Variants in GALNT13 observed in about 807,000 individuals in gnomAD.
The protein encoded by GALNT13 is polypeptide N-acetylgalactosaminyltransferase 13.
Under a neutral mutation model 64.2 loss-of-function variants are expected in GALNT13, and 28 were observed. The ratio of observed to expected loss-of-function variants is 0.44; its 90% CI spans 0.32 to 0.60. The LOEUF is 0.60. Among genes scored for constraint, GALNT13 ranks in the 20% least tolerant of loss-of-function variants. The pLI is 0.05. For synonymous variants in GALNT13, 214 were observed against 224.6 expected (o/e 0.95, Z 0.42); for missense variants, 577 against 669.8 (o/e 0.86, Z 1.53).
the GALNT13 span, among the ~76,000 whole-genome samples, chr2:153,122,788 A>G: frequency 6.6e-6 from 1 of 152,156 alleles, no homozygotes; most frequent in Admixed American, 6.6e-5. Context: ...CATCTTTACC[A>G]AGCACCCTGT....
At chr2:153,681,438 C>T in the GALNT13 span, among the ~76,000 whole-genome samples, 1 of 151,834 alleles carries the variant, frequency 6.6e-6, no homozygotes, top group South Asian at 2.1e-4. Context: ...ATTTAATACC[C>T]ATTTTCTCTG....
the GALNT13 span, among the ~76,000 whole-genome samples, chr2:153,558,025 C>T: frequency 6.6e-6 from 1 of 152,172 alleles, no homozygotes; most frequent in African/African-American, 2.4e-5. Flanking sequence ...CAGGAAGAAA[C>T]TGTTTCTTTC....
the GALNT13 span, among the ~76,000 whole-genome samples, chr2:153,511,547 G>A: frequency 7.9e-5 from 12 of 152,136 alleles, no homozygotes; most frequent in Non-Finnish European, 2.9e-5. Context: ...ACCACTCTAG[G>A]AAAAAGGGAA....
chr2:154,375,342 A>G (rs1233797880), intron 9 of GALNT13, among the ~76,000 whole-genome samples: 1 of 152,108 alleles, frequency 6.6e-6, no homozygotes, highest in African/African-American at 2.4e-5. Flanking sequence ...CCAAGATAAA[A>G]AGATAGAGCT....
At chr2:153,668,391 C>G in the GALNT13 span, among the ~76,000 whole-genome samples, 1 of 152,228 alleles carries the variant, frequency 6.6e-6, no homozygotes, top group African/African-American at 2.4e-5. Flanking sequence ...AAAAACTGGT[C>G]ATATGAACTG....
At chr2:154,207,875 G>A (rs1021144477) in intron 4 of GALNT13, among the ~76,000 whole-genome samples, 1 of 152,184 alleles carries the variant, frequency 6.6e-6, no homozygotes, top group African/African-American at 2.4e-5. Context: ...CCCTCAGAGA[G>A]CATAGTATTA....
the GALNT13 span, among the ~76,000 whole-genome samples, chr2:153,723,541 T>C: frequency 6.6e-6 from 1 of 150,616 alleles, no homozygotes; most frequent in African/African-American, 2.5e-5. Context: ...ACATGATTGT[T>C]TATCTAGAAA....
chr2:154,161,481 A>T (rs1280161624), intron 4 of GALNT13, among the ~76,000 whole-genome samples: 1 of 152,122 alleles, frequency 6.6e-6, no homozygotes, highest in Non-Finnish European at 1.5e-5. Flanking sequence ...AGGAATGATT[A>T]CGTGGGTGGC....
chr2:153,783,114 A>C, the GALNT13 span, among the ~76,000 whole-genome samples: 13 of 152,200 alleles, frequency 8.5e-5, no homozygotes, highest in African/African-American at 2.9e-4. Context: ...TGGATATTTA[A>C]ATCTAAAGTT....
chr2:153,514,170 CTT>C, the GALNT13 span, among the ~76,000 whole-genome samples: 1 of 151,994 alleles, frequency 6.6e-6, no homozygotes, highest in African/African-American at 2.4e-5. Context: ...TCTTTCCTCT[CTT>C]TAGCTCTTAC....
intron 3 of GALNT13, among the ~76,000 whole-genome samples, chr2:154,032,386 A>C (rs1698393239): frequency 6.6e-6 from 1 of 151,994 alleles, no homozygotes. Context: ...CTACCCAGTC[A>C]CTTCCCGAAA....
chr2:153,694,133 C>G, the GALNT13 span, among the ~76,000 whole-genome samples: 1,216 of 152,056 alleles, frequency 8.0e-3, 13 homozygotes, highest in African/African-American at 0.028. Context: ...AAAAAGCAAT[C>G]GTGAAATTAC....
chr2:153,169,450 A>G, the GALNT13 span, among the ~76,000 whole-genome samples: 3 of 152,234 alleles, frequency 2.0e-5, no homozygotes, highest in Admixed American at 6.5e-5. Context: ...ATCTGGAAGC[A>G]TGACTCATTC....
intron 12 of GALNT13, among the ~76,000 whole-genome samples, chr2:154,444,914 G>GA (rs1268495398): frequency 2.6e-5 from 4 of 151,770 alleles, no homozygotes; most frequent in African/African-American, 7.3e-5. Flanking sequence ...TTTAGTGATA[G>GA]AAAAAATGCC....
the GALNT13 span, among the ~76,000 whole-genome samples, chr2:153,377,728 C>T: frequency 6.6e-6 from 1 of 152,202 alleles, no homozygotes; most frequent in Middle Eastern, 3.4e-3. Flanking sequence ...ATTACTCAGC[C>T]TCAGGTATTC....
chr2:153,844,828 T>C, the GALNT13 span, among the ~76,000 whole-genome samples: 3 of 152,188 alleles, frequency 2.0e-5, no homozygotes, highest in Non-Finnish European at 4.4e-5. Flanking sequence ...CCAGGTACCC[T>C]TGGTCATCAC....
rs538796383 is a variant in GALNT13, at chr2:154,199,576, C to T, written c.312-42454C>T. On this transcript the variant is annotated intron_variant, in intron 4 of 12. Transcript: ENST00000392825. ...TTTACTTCCAAGACAAGGTGGTTAA[C>T]GAGGGTTTTGTAGTTGTTTGACAGT... 3.4e-4 allele frequency among the ~76,000 whole-genome samples: 52 copies of T among 151,670 alleles called. No individual in the cohort carries two copies. In the South Asian group the frequency reaches 4.0e-3, roughly 12 times the overall value.
intron 3 of GALNT13, among the ~76,000 whole-genome samples, chr2:153,949,885 G>A (rs1376193919): frequency 6.6e-6 from 1 of 151,980 alleles, no homozygotes; most frequent in Non-Finnish European, 1.5e-5. Flanking sequence ...TCAATAAATG[G>A]AACCGAGAAT....
chr2:154,084,216 T>G (rs953484790), intron 3 of GALNT13, among the ~76,000 whole-genome samples: 3 of 151,908 alleles, frequency 2.0e-5, no homozygotes, highest in Admixed American at 1.3e-4. Context: ...CAAAATAATT[T>G]TTATTAAGTT....
Sources: gnomAD v4.1 joint callset for allele counts (sites outside exome capture counted in the v4.1 genomes callset) on GRCh38, gnomAD v4.1.1 for gene constraint, MANE v1.5 for transcripts, NCBI Gene and HGNC (gene_info 2026-07-23, HGNC 2026-07-21) for gene names.